Variants in ADAM22 observed in about 807,000 individuals in gnomAD.
ADAM22 encodes ADAM metallopeptidase domain 22, also known as disintegrin and metalloproteinase domain-containing protein 22.
In ADAM22, 65 loss-of-function variants were observed where a neutral mutation model predicts 144.6. The observed-to-expected ratio is 0.45, with a 90% CI of 0.37 to 0.55. The LOEUF (loss-of-function observed/expected upper bound fraction) is 0.55, where lower values mean the gene tolerates loss of function less well. Ranked by LOEUF, ADAM22 falls within the 20% of genes least tolerant of loss-of-function variation. ADAM22 has a pLI of 0.00. For synonymous variants in ADAM22, 391 were observed against 412.6 expected, an observed-to-expected ratio of 0.95 and a Z score of 0.63; for missense variants, 974 against 1,184.9, an observed-to-expected ratio of 0.82 and a Z score of 2.61.
chr7:88,102,495 T>C (rs1436191998), intron 4 of ADAM22, among the ~76,000 whole-genome samples: 2 of 152,104 alleles, frequency 1.3e-5, no homozygotes, highest in African/African-American at 4.8e-5. Context: ...ACCCCAGAGA[T>C]TGTGATTTAG....
At chr7:88,083,257 A>G (rs1165856073) in intron 4 of ADAM22, among the ~76,000 whole-genome samples, 3 of 151,842 alleles carry the variant, frequency 2.0e-5, no homozygotes, top group African/African-American at 4.8e-5. Flanking sequence ...CAAACACCGC[A>G]TGTTCTCACT....
intron 25 of ADAM22, among the ~76,000 whole-genome samples, chr7:88,171,019 G>A (rs527429169): frequency 2.0e-5 from 3 of 151,966 alleles, no homozygotes; most frequent in South Asian, 4.1e-4. Flanking sequence ...TAACAGTCAC[G>A]AATTGACTCA....
At chr7:88,054,466 C>T (rs932733074) in intron 3 of ADAM22, among the ~76,000 whole-genome samples, 4 of 152,148 alleles carry the variant, frequency 2.6e-5, no homozygotes, top group African/African-American at 9.7e-5. Flanking sequence ...CCCTCCATCC[C>T]ACCAGTCTGT....
intron 3 of ADAM22, among the ~76,000 whole-genome samples, chr7:88,008,917 GAA>G (rs141508920): frequency 4.0e-4 from 59 of 146,402 alleles, no homozygotes; most frequent in African/African-American, 1.4e-3. Context: ...ATAATAAAAA[GAA>G]AAAAAAGAAA....
intron 2 of ADAM22, among the ~76,000 whole-genome samples, chr7:87,949,893 A>G (rs979607537): frequency 2.0e-5 from 3 of 149,914 alleles, no homozygotes; most frequent in African/African-American, 7.3e-5. Context: ...CACGTCTATT[A>G]TATAAATTAT....
chr7:88,113,703 A>AATATATATATATATATAT lies in ADAM22; in HGVS notation c.474-861_474-844dup, dbSNP rs58099116. On this transcript the variant is annotated intron_variant, in intron 5 of 31. Transcript: ENST00000413139. ...TATATATATTATAAATAAATAAATAAATATATATATATATATATATATATA... is the reference window on the plus strand; with the variant it reads ...TATATATATTATAAATAAATAAATAAATATATATATATATATATATATATATATATATATATATATATA... Among the ~76,000 whole-genome samples, 46 of 48,090 alleles carry AATATATATATATATATAT rather than the reference A, an allele frequency of 9.6e-4. 2 individuals carry two copies. Among genetic ancestry groups the AATATATATATATATATAT allele is most frequent in the East Asian group, 1.4e-3 (1 of 718 alleles). 31.5% of individuals were successfully genotyped at this position (48,090 alleles called of 152,430 possible).
chr7:88,177,094 G>A (rs1423219764), intron 26 of ADAM22, among the ~76,000 whole-genome samples: 1 of 152,170 alleles, frequency 6.6e-6, no homozygotes, highest in African/African-American at 2.4e-5. Context: ...ATTTGGTGAG[G>A]CACATCTCAT....
At chr7:88,015,532 A>T (rs1796373597) in intron 3 of ADAM22, among the ~76,000 whole-genome samples, 1 of 152,196 alleles carries the variant, frequency 6.6e-6, no homozygotes, top group Non-Finnish European at 1.5e-5. Flanking sequence ...GGTAAAAGGA[A>T]TATGGTTTGA....
intron 3 of ADAM22, among the ~76,000 whole-genome samples, chr7:88,038,537 C>T (rs1292575146): frequency 6.6e-6 from 1 of 150,880 alleles, no homozygotes; most frequent in East Asian, 1.9e-4. Flanking sequence ...TCACTGCAAG[C>T]TCCGCCTCCC....
At chr7:88,053,589 AAG>A (rs1563113900) in intron 3 of ADAM22, among the ~76,000 whole-genome samples, 1 of 112,320 alleles carries the variant, frequency 8.9e-6, no homozygotes, top group East Asian at 3.0e-4. Flanking sequence ...GGAAGGAAGG[AAG>A]GAAAGAAAGA....
chr7:88,185,000 A>G (rs941102379), intron 29 of ADAM22, among the ~76,000 whole-genome samples: 2 of 152,194 alleles, frequency 1.3e-5, no homozygotes, highest in Non-Finnish European at 2.9e-5. Context: ...CTGTGTGGCT[A>G]TGTTTCACCT....
In ADAM22 at chr7:88,184,489, C is replaced by A. The variant is rs182400248; in HGVS notation, c.2664-2126C>A. ...TTGGCTGAGAACAGGGTCATTTGAT[C>A]TTTGAGCGAGCCCTCATGTTTGCCA... On this transcript the variant is annotated intron_variant, in intron 29 of 31. Coordinates refer to ENST00000413139, the MANE Select transcript of ADAM22 (RefSeq NM_001324418.2). 309 of 222,966 alleles carry A rather than the reference C, an allele frequency of 1.4e-3. 2 individuals are homozygous for A. The highest frequency in any genetic ancestry group is 4.3e-3 in the Admixed American group (72 of 16,734). 13.8% of individuals were successfully genotyped at this position (222,966 alleles called of 1,614,324 possible).
chr7:88,136,068 A>G lies in ADAM22; in HGVS notation c.1220+37A>G, dbSNP rs1832923650. The G allele has an allele frequency of 1.9e-6, 3 of 1,587,862 alleles. No homozygotes were observed. In the East Asian group the frequency reaches 6.7e-5, roughly 36 times the overall value. ...GTATTTGAAAATAACTCAGTCTTAC[A>G]TTCCCTGCTGTGCTGTTGTCTTCTT... On this transcript the variant is annotated intron_variant, in intron 14 of 31. Transcript: ENST00000413139.
intron 4 of ADAM22, among the ~76,000 whole-genome samples, chr7:88,103,747 A>G (rs1823587130): frequency 6.6e-6 from 1 of 152,184 alleles, no homozygotes. Flanking sequence ...ATTATTGTAT[A>G]TAATACTTAC....
At chr7:88,029,623 A>T (rs1243592357) in intron 3 of ADAM22, among the ~76,000 whole-genome samples, 1 of 152,098 alleles carries the variant, frequency 6.6e-6, no homozygotes, top group Non-Finnish European at 1.5e-5. Context: ...TTTCAGATTG[A>T]ATAACTTTGT....
chr7:88,157,919 T>C (rs1245943602), intron 22 of ADAM22, among the ~76,000 whole-genome samples: 1 of 152,162 alleles, frequency 6.6e-6, no homozygotes, highest in Non-Finnish European at 1.5e-5. Context: ...GGATTGAATG[T>C]AAATGGCCTA....
chr7:87,956,565 C>G (rs922919381), intron 2 of ADAM22, among the ~76,000 whole-genome samples: 1 of 152,128 alleles, frequency 6.6e-6, no homozygotes, highest in African/African-American at 2.4e-5. Flanking sequence ...GAAACCTTTT[C>G]ATCACTTCAA....
chr7:87,977,256 C>T (rs918765891), intron 2 of ADAM22, among the ~76,000 whole-genome samples: 2 of 152,154 alleles, frequency 1.3e-5, no homozygotes, highest in African/African-American at 2.4e-5. Flanking sequence ...TAATCAGACT[C>T]TCTCCTTTCA....
At chr7:88,006,100 C>A (rs1238620856) in intron 3 of ADAM22, among the ~76,000 whole-genome samples, 1 of 152,032 alleles carries the variant, frequency 6.6e-6, no homozygotes, top group African/African-American at 2.4e-5. Flanking sequence ...TTCTTTTAAT[C>A]ACTTCTTTTT....
Sources: allele counts gnomAD v4.1 joint callset (sites outside exome capture counted in the v4.1 genomes callset), GRCh38; gene constraint gnomAD v4.1.1; transcripts MANE v1.5; gene names NCBI Gene and HGNC (gene_info 2026-07-23, HGNC 2026-07-21).